AGBL1: variants seen among roughly 807,000 people sequenced by gnomAD.
AGBL1 encodes the protein cytosolic carboxypeptidase 4.
In AGBL1, 130 loss-of-function variants were observed where a neutral mutation model predicts 118.9. The ratio of observed to expected loss-of-function variants is 1.09; its 90% confidence interval spans 0.95 to 1.26. The LOEUF (loss-of-function observed/expected upper bound fraction) is 1.26. Among genes scored for constraint, AGBL1 ranks in the 50% most tolerant of loss-of-function variants. The pLI, the probability that AGBL1 is intolerant of heterozygous loss-of-function variation, is 0.00. For missense variants in AGBL1, 1,584 were observed against 1,298.1 expected (o/e 1.22, Z -3.38); for synonymous variants, 555 against 478.9 (o/e 1.16, Z -2.08).
intron 22 of AGBL1, among the ~76,000 whole-genome samples, chr15:86,782,545 C>T (rs1249913341): frequency 6.6e-6 from 1 of 152,080 alleles, no homozygotes; most frequent in Non-Finnish European, 1.5e-5. Flanking sequence ...TGTGTGCGTT[C>T]TTGAAAGATA....
intron 15 of AGBL1, among the ~76,000 whole-genome samples, chr15:86,276,791 T>G (rs2079259659): frequency 6.6e-6 from 1 of 152,218 alleles, no homozygotes; most frequent in African/African-American, 2.4e-5. Flanking sequence ...CATTGCTTCT[T>G]GCAAACATCA....
chr15:86,779,920 A>AAC (rs201278408), intron 22 of AGBL1, among the ~76,000 whole-genome samples: 9,092 of 106,830 alleles, frequency 0.085, 610 homozygotes, highest in African/African-American at 0.18. Flanking sequence ...ACACCCCCCC[A>AAC]ACACACACAC....
chr15:86,783,766 A>G (rs1046197303), intron 22 of AGBL1, among the ~76,000 whole-genome samples: 1 of 152,130 alleles, frequency 6.6e-6, no homozygotes, highest in Non-Finnish European at 1.5e-5. Flanking sequence ...AGTATCTGGG[A>G]TTACAGGTGC....
chr15:86,471,487 ATTGGCCTATAGTTTTTTTTTTTT>A, intron 18 of AGBL1, among the ~76,000 whole-genome samples: 1 of 135,736 alleles, frequency 7.4e-6, no homozygotes, highest in South Asian at 2.3e-4. Flanking sequence ...AATCAAGGAT[ATTGGCCTATAGTTTTTTTTTTTT>A]TTTTTATAGC....
At chr15:86,090,216 C>T (rs1355367472) in intron 1 of AGBL1, among the ~76,000 whole-genome samples, 2 of 152,162 alleles carry the variant, frequency 1.3e-5, no homozygotes, top group African/African-American at 4.8e-5. Flanking sequence ...AGATTCCATT[C>T]CATTCCATTC....
chr15:86,676,285 G>C (rs1026147045), intron 22 of AGBL1, among the ~76,000 whole-genome samples: 19 of 152,100 alleles, frequency 1.2e-4, no homozygotes, highest in African/African-American at 4.6e-4. Flanking sequence ...CATTTGTATG[G>C]TAATATATTT....
At chr15:86,084,363 G>T (rs936289612) in intron 1 of AGBL1, among the ~76,000 whole-genome samples, 1 of 152,194 alleles carries the variant, frequency 6.6e-6, no homozygotes, top group Non-Finnish European at 1.5e-5. Flanking sequence ...GGGTCCACTT[G>T]TGCCAGGCTT....
intron 18 of AGBL1, among the ~76,000 whole-genome samples, chr15:86,516,426 G>A (rs184483300): frequency 1.3e-5 from 2 of 152,230 alleles, no homozygotes; most frequent in Admixed American, 6.5e-5. Context: ...AACTTCCAAC[G>A]CAGAGGGCTG....
intron 1 of AGBL1, among the ~76,000 whole-genome samples, chr15:86,103,831 C>A (rs189071122): frequency 1.3e-5 from 2 of 152,126 alleles, no homozygotes; most frequent in Non-Finnish European, 2.9e-5. Context: ...GTTCTTGGGT[C>A]GCCAGGTGGC....
At chr15:86,582,961 A>T (rs753283229) in intron 21 of AGBL1, among the ~76,000 whole-genome samples, 1 of 152,046 alleles carries the variant, frequency 6.6e-6, no homozygotes, top group African/African-American at 2.4e-5. Context: ...TGTATACATA[A>T]GTAACAAACC....
chr15:86,103,531 C>T (rs1253911563), intron 1 of AGBL1, among the ~76,000 whole-genome samples: 1 of 151,980 alleles, frequency 6.6e-6, no homozygotes, highest in African/African-American at 2.4e-5. Context: ...GAAGACATAC[C>T]AATGGTGTTG....
rs537905780 is a variant in AGBL1 at position 86,536,643 on chromosome 15, C to T, written c.2686-9359C>T. Among the ~76,000 whole-genome samples the T allele has an allele frequency of 3.3e-5, 5 of 152,120 alleles. No individual in the cohort carries two copies. The South Asian group carries it at 1.0e-3, about 32-fold the overall frequency. On this transcript the variant is annotated intron_variant, in intron 19 of 22. Transcript: ENST00000614907. ...GGATGTTCTTAGAGGGAGGGCAAGT[C>T]AGAATTTTCAAAGAAGTCTAAACAA... is the stretch of plus-strand genomic sequence containing the variant.
At chr15:86,338,439 AT>A (rs879629668) in intron 17 of AGBL1, among the ~76,000 whole-genome samples, 1 of 152,078 alleles carries the variant, frequency 6.6e-6, no homozygotes, top group Non-Finnish European at 1.5e-5. Flanking sequence ...ATTTGGCACC[AT>A]TGGTGGCTTG....
At chr15:86,191,117 G>T (rs898204489) in intron 5 of AGBL1, among the ~76,000 whole-genome samples, 1 of 152,002 alleles carries the variant, frequency 6.6e-6, no homozygotes, top group African/African-American at 2.4e-5. Context: ...ACTGAGGCGG[G>T]GGGATCACCT....
intron 6 of AGBL1, among the ~76,000 whole-genome samples, chr15:86,236,723 G>T (rs1419885563): frequency 6.6e-6 from 1 of 151,894 alleles, no homozygotes; most frequent in Non-Finnish European, 1.5e-5. Context: ...AGGGAGGGGG[G>T]CTCCAAAGCC....
chr15:86,655,600 T>C (rs1484721368), intron 21 of AGBL1, among the ~76,000 whole-genome samples: 1 of 152,110 alleles, frequency 6.6e-6, no homozygotes, highest in Non-Finnish European at 1.5e-5. Context: ...AAGGACTTCC[T>C]CCCCATCAAA....
At chr15:86,395,266 G>A (rs961645676) in intron 17 of AGBL1, among the ~76,000 whole-genome samples, 2 of 151,942 alleles carry the variant, frequency 1.3e-5, no homozygotes, top group African/African-American at 4.8e-5. Flanking sequence ...CACATAACTT[G>A]TCTTCATTTT....
chr15:86,191,437 A>G (rs1013195689), intron 5 of AGBL1, among the ~76,000 whole-genome samples: 3 of 151,990 alleles, frequency 2.0e-5, no homozygotes, highest in Non-Finnish European at 4.4e-5. Flanking sequence ...GAAGCAGAAT[A>G]GATACAGCAA....
intron 21 of AGBL1, among the ~76,000 whole-genome samples, chr15:86,576,432 A>G (rs182122284): frequency 8.3e-4 from 127 of 152,354 alleles, no homozygotes; most frequent in African/African-American, 3.0e-3. Flanking sequence ...AGTGAGGTAC[A>G]GAAACAGCTG....
Sources: allele counts gnomAD v4.1 joint callset (sites outside exome capture counted in the v4.1 genomes callset), GRCh38; gene constraint gnomAD v4.1.1; transcripts MANE v1.5; gene names NCBI Gene and HGNC (gene_info 2026-07-23, HGNC 2026-07-21).